The following ADGRL1 variants were observed in gnomAD, a reference collection of about 807,000 sequenced individuals.
The protein encoded by ADGRL1 is adhesion G protein-coupled receptor L1.
A neutral mutation model predicts 148.9 loss-of-function variants in ADGRL1; 31 were observed. That is an observed-to-expected ratio of 0.21 (90% CI 0.16 to 0.28). The LOEUF (loss-of-function observed/expected upper bound fraction) is 0.28. ADGRL1 is among the 10% of genes least tolerant of loss of function. ADGRL1 has a pLI of 1.00. For synonymous variants in ADGRL1, 937 were observed against 900.3 expected, an observed-to-expected ratio of 1.04 and a Z score of -0.73; for missense variants, 1,521 against 2,058.8, an observed-to-expected ratio of 0.74 and a Z score of 5.05.
rs895899285 is a variant in ADGRL1 at position 14,199,425 on chromosome 19, G to GT, written c.-96+6559dup. Among the ~76,000 whole-genome samples, 342 of 145,390 alleles carry GT rather than the reference G, an allele frequency of 2.4e-3. 5 individuals are homozygous for GT. The highest frequency in any genetic ancestry group is 0.017 in the East Asian group (86 of 4,992). On this transcript the variant is annotated intron_variant, in intron 1 of 22. Coordinates refer to ENST00000361434, the MANE Select transcript of ADGRL1 (RefSeq NM_014921.5). Reference sequence around the variant, plus strand: ...TGTGTGTGGGTTTGGGAGTGTGTGTGTTTTTTTTTTTAATCGTATTTTTAG... The same window carrying GT: ...TGTGTGTGGGTTTGGGAGTGTGTGTGTTTTTTTTTTTTAATCGTATTTTTAG...
Position 14,160,169 on chromosome 19 carries a change from G to A in ADGRL1, c.1743C>T (p.Ala581=), listed in dbSNP as rs989034926. 6.3e-7 allele frequency: 1 copy of A among 1,597,236 alleles called. No homozygotes were observed. Among genetic ancestry groups the A allele is most frequent in the Non-Finnish European group, 8.6e-7 (1 of 1,166,318 alleles). Residue 581 remains alanine, a synonymous_variant, in exon 8 of 23, where the codon GCC becomes GCT. Transcript: ENST00000361434. This position sits in a 1 kb window ranked among gnomAD's most constrained non-coding sequence, Gnocchi z 5.9. ...LMEQLLDILD[A]QLQALRPIER... ...CGATGGGCCGCAGGGCCTGCAGCTG[G>A]GCATCCAGGATGTCCAGCAGCTGCT...
chr19:14,169,061 C>G (rs1389948645), intron 4 of ADGRL1: 1 of 152,322 alleles, frequency 6.6e-6, no homozygotes, highest in East Asian at 1.9e-4. Context: ...TGACCCCTCT[C>G]CACCCCATCA....
chr19:14,156,125 C>T lies in ADGRL1; in HGVS notation c.3110G>A (p.Arg1037His), dbSNP rs945939414. 3.7e-6 allele frequency: 6 copies of T among 1,611,086 alleles called. No individual in the cohort carries two copies. Among genetic ancestry groups the T allele is most frequent in the South Asian group, 2.2e-5 (2 of 90,496 alleles). Residue 1037 changes from arginine to histidine, a missense_variant, in exon 17 of 23, where the codon CGC becomes CAC. Transcript: ENST00000361434. ...SSSVLKPDSS[R>H]LDNIKSWALG... ...CGAGGCTCACTTAATGTTGTCCAGG[C>T]GGCTGGAGTCGGGCTTGAGCACAGA...
chr19:14,158,132 A>G, intron 12 of ADGRL1, 80 bp from the exon 13 acceptor site: 1 of 1,464,420 alleles, frequency 6.8e-7, no homozygotes, highest in East Asian at 2.3e-5. Context: ...ACCTGGCAAC[A>G]GGGATGGTAC....
Position 14,158,388 on chromosome 19 carries a change from T to C in ADGRL1, c.2314A>G (p.Ser772Gly). Residue 772 changes from serine to glycine, a missense_variant, in exon 12 of 23, where the codon AGC becomes GGC. Around this residue, in one of 8 missense-constraint regions of ADGRL1, gnomAD observed 265 missense variants for 431.9 expected, o/e 0.61. Transcript: ENST00000361434. ...ACAGGGTCCATGAGGAAGACGCGGC[T>C]GGACTCCTTGTTGATGGATGCTGCG... ...VIAASINKESSRVFLMDPVIF... is the reference protein window; with the variant it reads ...VIAASINKESGRVFLMDPVIF... The C allele has an allele frequency of 6.2e-7, 1 of 1,613,772 alleles. No individual in the cohort carries two copies. Among genetic ancestry groups the C allele is most frequent in the Non-Finnish European group, 8.5e-7 (1 of 1,180,008 alleles).
intron 1 of ADGRL1, among the ~76,000 whole-genome samples, chr19:14,185,289 T>C (rs993317161): frequency 1.3e-5 from 2 of 151,540 alleles, no homozygotes; most frequent in Non-Finnish European, 3.0e-5. Flanking sequence ...ACACACATTC[T>C]CTCTCTCTCT....
Position 14,161,345 on chromosome 19 carries a change from G to A in ADGRL1, c.1477C>T (p.Leu493=), listed in dbSNP as rs756813385. 3 of 1,589,890 alleles carry A rather than the reference G, an allele frequency of 1.9e-6. No homozygotes were observed. The highest frequency in any genetic ancestry group is 3.5e-5 in the Admixed American group (2 of 57,942). The change falls in exon 6 of 23, where the codon CTG becomes TTG. Residue 493 remains leucine (L), a synonymous_variant. Coordinates refer to ENST00000361434, the MANE Select transcript of ADGRL1 (RefSeq NM_014921.5). This position sits in a 1 kb window ranked among gnomAD's most constrained non-coding sequence, Gnocchi z 4.4. ...VQWPATQQGM[L]VERPCPKGTR... is the part of the protein sequence containing the mutation. ...CCCTTGGGGCAGGGCCTCTCCACCA[G>A]CATGCCCTGCTGGGTGGCCGGCCAC...
Position 14,152,013 on chromosome 19 carries a change from G to C in ADGRL1, c.3667+120C>G. ...GCCAGAGGCTGTGTGTCGGGGGGTG[G>C]GGAAATGTGGGCATGGGGAGGCATC... On this transcript the variant is annotated intron_variant, in intron 22 of 22. Coordinates refer to ENST00000361434, the MANE Select transcript of ADGRL1 (RefSeq NM_014921.5). The surrounding 1 kb of genome is among the most constrained non-coding windows in gnomAD (Gnocchi z 6.1). 2 of 906,612 alleles carry C rather than the reference G, an allele frequency of 2.2e-6. No individual in the cohort carries two copies. The highest frequency in any genetic ancestry group is 3.6e-6 in the Non-Finnish European group (2 of 549,586). The allele number at this position is 906,612 out of a possible 1,614,324, so 56.2% of individuals were successfully genotyped here.
At chr19:14,165,396 A>C (rs1969859915) in intron 4 of ADGRL1, among the ~76,000 whole-genome samples, 1 of 152,158 alleles carries the variant, frequency 6.6e-6, no homozygotes, top group Non-Finnish European at 1.5e-5. Context: ...GTTTGTGTGA[A>C]GGGGACGGTG....
chr19:14,192,127 C>A (rs1599507551), intron 1 of ADGRL1, among the ~76,000 whole-genome samples: 1 of 152,202 alleles, frequency 6.6e-6, no homozygotes, highest in Non-Finnish European at 1.5e-5. Flanking sequence ...AGGGCTTCAA[C>A]CTCTGCATTT....
chr19:14,205,722 GTA>G (rs1972957295), intron 1 of ADGRL1, among the ~76,000 whole-genome samples: 2 of 150,866 alleles, frequency 1.3e-5, no homozygotes, highest in African/African-American at 4.9e-5. Context: ...GCACCCTGCG[GTA>G]GCCCGTCCGC....
chr19:14,151,443 G>A lies in ADGRL1; in HGVS notation c.3840C>T (p.Ile1280=), dbSNP rs201250073. ...ADAAAFEKMI[I]SELVHNNLRG... is the part of the protein sequence containing the mutation. ...GCAGGTTGTTGTGCACCAGCTCTGAGATGATCATCTTCTCAAAGGCCGCCG... is the reference window on the plus strand; with the variant it reads ...GCAGGTTGTTGTGCACCAGCTCTGAAATGATCATCTTCTCAAAGGCCGCCG... The change falls in exon 23 of 23, where the codon ATC becomes ATT. Residue 1280 remains isoleucine (I), a synonymous_variant. Transcript: ENST00000361434. 3.2e-4 allele frequency: 515 copies of A among 1,612,966 alleles called. No homozygotes were observed. Among genetic ancestry groups the A allele is most frequent in the Non-Finnish European group, 3.6e-4 (429 of 1,179,784 alleles).
chr19:14,180,547 C>T (rs770254003), intron 2 of ADGRL1, among the ~76,000 whole-genome samples: 1 of 151,746 alleles, frequency 6.6e-6, no homozygotes, highest in Admixed American at 6.6e-5. Context: ...TGAGCCACCA[C>T]GCCTGGCCTG....
intron 12 of ADGRL1, 22 bp downstream of exon 12, chr19:14,158,316 G>A (rs752631346): frequency 1.2e-6 from 2 of 1,601,018 alleles, no homozygotes; most frequent in South Asian, 1.1e-5. Context: ...CCCCATGGAG[G>A]GAGGGGGACG....
Position 14,150,641 on chromosome 19 carries a change from C to T in ADGRL1, c.*232G>A. On this transcript the variant is annotated 3_prime_UTR_variant, in exon 23 of 23. Coordinates refer to ENST00000361434, the MANE Select transcript of ADGRL1 (RefSeq NM_014921.5). ...CTCTGGGCTCCTCCTCACTACACTTCCCCCAAATAGAGCTGGTGCGTGTGG... is the reference window on the plus strand; with the variant it reads ...CTCTGGGCTCCTCCTCACTACACTTTCCCCAAATAGAGCTGGTGCGTGTGG... The T allele has an allele frequency of 1.8e-6, 1 of 564,826 alleles. No homozygotes were observed. Among genetic ancestry groups the T allele is most frequent in the Non-Finnish European group, 3.1e-6 (1 of 323,408 alleles). 35.0% of individuals were successfully genotyped at this position (564,826 alleles called of 1,614,324 possible). A position where few individuals can be genotyped will look rare whatever the true frequency, so the allele number is the denominator to read the frequency against.
intron 1 of ADGRL1, among the ~76,000 whole-genome samples, chr19:14,199,956 T>C (rs1408656893): frequency 6.7e-6 from 1 of 149,918 alleles, no homozygotes; most frequent in Non-Finnish European, 1.5e-5. Context: ...CTGGTCTCGA[T>C]CTCCTGATCT....
At position 14,157,743 on chromosome 19, in the gene ADGRL1, T is replaced by A. The variant is rs1044096225; in HGVS notation, c.2535+139A>T. 6.9e-6 allele frequency: 7 copies of A among 1,015,590 alleles called. No individual in the cohort carries two copies. In the African/African-American group the frequency reaches 1.1e-4, roughly 16 times the overall value. The allele number at this position is 1,015,590 out of a possible 1,614,324, so 62.9% of individuals were successfully genotyped here. A position where few individuals can be genotyped will look rare whatever the true frequency, so the allele number is the denominator to read the frequency against. ...ATAGAGGACCAGACGCATGGCCTCA[T>A]GCCCCAGGCAAGACCAGGGGCCCCC... On this transcript the variant is annotated intron_variant, in intron 13 of 22. Transcript: ENST00000361434. This position sits in a 1 kb window ranked among gnomAD's most constrained non-coding sequence, Gnocchi z 7.5.
intron 1 of ADGRL1, among the ~76,000 whole-genome samples, chr19:14,204,713 T>TGA (rs74181774): frequency 0.032 from 4,504 of 142,958 alleles, 76 homozygotes; most frequent in Non-Finnish European, 0.045. Context: ...ACAGAGAGAG[T>TGA]GAGAGAGAGA....
chr19:14,180,213 A>T (rs1971094463), intron 2 of ADGRL1, among the ~76,000 whole-genome samples: 2 of 152,108 alleles, frequency 1.3e-5, no homozygotes, highest in African/African-American at 2.4e-5. Context: ...AACTCCATGC[A>T]TGGAACTTTC....
Sources: gnomAD v4.1 joint callset for allele counts (sites outside exome capture counted in the v4.1 genomes callset) on GRCh38, gnomAD v4.1.1 for gene constraint, gnomAD v4.1.1 regional missense constraint, Gnocchi (gnomAD v3.1) non-coding constraint, MANE v1.5 for transcripts, NCBI Gene and HGNC (gene_info 2026-07-23, HGNC 2026-07-21) for gene names.